Variants in ALK observed in about 807,000 individuals in gnomAD.
ALK encodes ALK tyrosine kinase receptor.
A neutral mutation model predicts 163.1 loss-of-function variants in ALK; 74 were observed. The observed-to-expected ratio is 0.45, with a 90% CI of 0.38 to 0.55. ALK has a LOEUF of 0.55. Among genes scored for constraint, ALK ranks in the 20% least tolerant of loss-of-function variants. ALK has a pLI of 0.00. For missense variants in ALK, 2,063 were observed against 2,105.3 expected, an observed-to-expected ratio of 0.98 and a Z score of 0.39; for synonymous variants, 960 against 843.2, an observed-to-expected ratio of 1.14 and a Z score of -2.40.
intron 2 of ALK, among the ~76,000 whole-genome samples, chr2:29,714,100 T>G (rs1679182372): frequency 6.6e-6 from 1 of 152,130 alleles, no homozygotes; most frequent in African/African-American, 2.4e-5. Flanking sequence ...GAGTAGGTAG[T>G]TAGAGCCTAA....
intron 4 of ALK, among the ~76,000 whole-genome samples, chr2:29,389,077 G>A (rs1001665986): frequency 4.6e-5 from 7 of 152,202 alleles, no homozygotes; most frequent in Non-Finnish European, 1.0e-4. Context: ...TTGTTGAGTC[G>A]CATTCCATTT....
At chr2:29,636,246 C>A (rs72784162) in intron 3 of ALK, among the ~76,000 whole-genome samples, 3,030 of 151,274 alleles carry the variant, frequency 0.02, 38 homozygotes, top group Non-Finnish European at 0.031. Flanking sequence ...GATAAAGGTA[C>A]AAAAACAGCT....
At chr2:29,340,427 A>C (rs1227852800) in intron 5 of ALK, among the ~76,000 whole-genome samples, 1 of 152,002 alleles carries the variant, frequency 6.6e-6, no homozygotes, top group Non-Finnish European at 1.5e-5. Flanking sequence ...CCCTTGAGAC[A>C]CCTCCAATGA....
At chr2:29,567,229 A>G (rs374784853) in intron 3 of ALK, among the ~76,000 whole-genome samples, 1 of 152,368 alleles carries the variant, frequency 6.6e-6, no homozygotes, top group Admixed American at 6.5e-5. Context: ...ACTGGGCGTC[A>G]GCATTCTTGC....
chr2:29,260,724 C>G (rs1351725188), intron 11 of ALK, among the ~76,000 whole-genome samples: 2 of 151,686 alleles, frequency 1.3e-5, no homozygotes, highest in Non-Finnish European at 2.9e-5. Context: ...GTCCCAGCTA[C>G]TTGGGAGGCT....
At chr2:29,894,150 G>A (rs79976113) in intron 1 of ALK, among the ~76,000 whole-genome samples, 2 of 152,140 alleles carry the variant, frequency 1.3e-5, no homozygotes, top group African/African-American at 4.8e-5. Context: ...GAAACCCAGA[G>A]AGAACTTGGC....
intron 4 of ALK, among the ~76,000 whole-genome samples, chr2:29,499,862 G>A (rs146693557): frequency 6.6e-6 from 1 of 152,130 alleles, no homozygotes; most frequent in Non-Finnish European, 1.5e-5. Flanking sequence ...TGTCACCCTT[G>A]CCAGCCAAGT....
At chr2:29,688,969 G>T (rs1448065155) in intron 3 of ALK, among the ~76,000 whole-genome samples, 2 of 152,132 alleles carry the variant, frequency 1.3e-5, no homozygotes, top group Non-Finnish European at 2.9e-5. Flanking sequence ...GCAGAGCAGG[G>T]ACAATGGCAG....
chr2:29,407,967 A>T (rs1014403932), intron 4 of ALK, among the ~76,000 whole-genome samples: 2 of 152,198 alleles, frequency 1.3e-5, no homozygotes, highest in African/African-American at 4.8e-5. Context: ...AGTCCCAGAG[A>T]CTGTATAACT....
intron 4 of ALK, among the ~76,000 whole-genome samples, chr2:29,531,321 G>A (rs776330135): frequency 2.6e-5 from 4 of 152,174 alleles, no homozygotes; most frequent in Admixed American, 1.3e-4. Flanking sequence ...TGTCACTACC[G>A]CAGAGGCCTG....
intron 4 of ALK, among the ~76,000 whole-genome samples, chr2:29,530,983 A>C (rs1463264642): frequency 1.3e-5 from 2 of 152,214 alleles, no homozygotes; most frequent in Admixed American, 1.3e-4. Context: ...GACTTTCAAG[A>C]AATTACGAAG....
intron 12 of ALK, among the ~76,000 whole-genome samples, chr2:29,245,658 C>T (rs1230063276): frequency 1.5e-5 from 2 of 137,228 alleles, no homozygotes; most frequent in African/African-American, 2.8e-5. Flanking sequence ...GTAGGGGCTC[C>T]ATGGCTCAGT....
chr2:29,612,480 TTC>T (rs1358839076), intron 3 of ALK, among the ~76,000 whole-genome samples: 6 of 152,274 alleles, frequency 3.9e-5, no homozygotes, highest in Admixed American at 3.3e-4. Context: ...CATGGACAAT[TTC>T]TCTCTGTTTC....
chr2:29,470,674 A>C (rs1307442990), intron 4 of ALK, among the ~76,000 whole-genome samples: 1 of 99,448 alleles, frequency 1.0e-5, no homozygotes, highest in Non-Finnish European at 2.2e-5. Context: ...CATTTCAGAC[A>C]AAACAGCTGA....
intron 5 of ALK, among the ~76,000 whole-genome samples, chr2:29,382,738 T>C (rs1250610168): frequency 6.6e-6 from 1 of 152,236 alleles, no homozygotes; most frequent in Non-Finnish European, 1.5e-5. Context: ...ATGTTTCTTA[T>C]ACATTGCCTC....
chr2:29,920,974 T>G lies in ALK; in HGVS notation c.-315A>C, dbSNP rs538753812. 16 of 469,006 alleles carry G rather than the reference T, an allele frequency of 3.4e-5. No homozygotes were observed. Among genetic ancestry groups the G allele is most frequent in the African/African-American group, 3.1e-4 (16 of 51,418 alleles). The allele number at this position is 469,006 out of a possible 1,614,324, so 29.1% of individuals were successfully genotyped here. ...CGCCCCCGTCTGTAGCTCGCTGCGCTCGGTACAGAGGAACTACTATGGTTG... is the reference window on the plus strand; with the variant it reads ...CGCCCCCGTCTGTAGCTCGCTGCGCGCGGTACAGAGGAACTACTATGGTTG... On this transcript the variant is annotated 5_prime_UTR_variant, in exon 1 of 29. Transcript: ENST00000389048.
At chr2:29,766,672 C>T (rs1229505657) in intron 1 of ALK, among the ~76,000 whole-genome samples, 1 of 152,186 alleles carries the variant, frequency 6.6e-6, no homozygotes, top group African/African-American at 2.4e-5. Flanking sequence ...ATGAGTCTTC[C>T]TCATCTTCAT....
At chr2:29,678,487 A>C (rs1447639417) in intron 3 of ALK, among the ~76,000 whole-genome samples, 3 of 151,356 alleles carry the variant, frequency 2.0e-5, no homozygotes, top group Non-Finnish European at 4.4e-5. Flanking sequence ...AAGTTTTAAT[A>C]TGTTTTATTT....
At chr2:29,835,874 A>G (rs1211688196) in intron 1 of ALK, among the ~76,000 whole-genome samples, 1 of 152,170 alleles carries the variant, frequency 6.6e-6, no homozygotes, top group African/African-American at 2.4e-5. Flanking sequence ...AGCCATGCGG[A>G]ACTGTGAGTC....
Sources: gnomAD v4.1 joint callset for allele counts (sites outside exome capture counted in the v4.1 genomes callset) on GRCh38, gnomAD v4.1.1 for gene constraint, MANE v1.5 for transcripts, NCBI Gene and HGNC (gene_info 2026-07-23, HGNC 2026-07-21) for gene names.